LAMA4: variants seen among roughly 807,000 people sequenced by gnomAD.
LAMA4 encodes laminin subunit alpha 4, also known as laminin subunit alpha-4.
LAMA4 carries 127 observed loss-of-function variants against 207.1 expected under a neutral mutation model. The observed-to-expected ratio is 0.61, with a 90% CI of 0.53 to 0.71. The LOEUF (loss-of-function observed/expected upper bound fraction) is 0.71, where lower values mean the gene tolerates loss of function less well. Among genes scored for constraint, LAMA4 ranks in the 30% least tolerant of loss-of-function variants. The pLI is 0.00. For missense variants in LAMA4, 2,093 were observed against 2,246.5 expected (o/e 0.93, Z 1.38); for synonymous variants, 761 against 816.0 (o/e 0.93, Z 1.15).
At chr6:112,251,862 T>C (rs1462557106) in intron 2 of LAMA4, among the ~76,000 whole-genome samples, 2 of 152,238 alleles carry the variant, frequency 1.3e-5, no homozygotes, top group Non-Finnish European at 2.9e-5. Context: ...TTTTCAAAAC[T>C]GAAGGCCTCC....
intron 8 of LAMA4, among the ~76,000 whole-genome samples, chr6:112,186,070 G>C (rs949002408): frequency 6.6e-6 from 1 of 152,166 alleles, no homozygotes; most frequent in East Asian, 1.9e-4. Context: ...TTCTATCCAG[G>C]CTACAATACA....
intron 2 of LAMA4, among the ~76,000 whole-genome samples, chr6:112,245,870 G>A (rs538733737): frequency 2.0e-5 from 3 of 152,236 alleles, no homozygotes; most frequent in African/African-American, 7.2e-5. Context: ...ATATTCACCC[G>A]TCTCTCCTCC....
chr6:112,238,742 G>A (rs1554367033), intron 2 of LAMA4, among the ~76,000 whole-genome samples: 2 of 152,122 alleles, frequency 1.3e-5, no homozygotes, highest in Non-Finnish European at 2.9e-5. Context: ...AAAAGTAATA[G>A]TGACATATTT....
intron 9 of LAMA4, among the ~76,000 whole-genome samples, chr6:112,184,926 A>AAG (rs1782594905): frequency 6.6e-6 from 1 of 152,232 alleles, no homozygotes; most frequent in Non-Finnish European, 1.5e-5. Flanking sequence ...TCTTAGTCAT[A>AAG]AGATGCCTTG....
At chr6:112,124,877 C>A (rs1415869466) in intron 31 of LAMA4, among the ~76,000 whole-genome samples, 1 of 152,194 alleles carries the variant, frequency 6.6e-6, no homozygotes, top group South Asian at 2.1e-4. Flanking sequence ...CTGCCTCAGC[C>A]TCCCGAGTAG....
chr6:112,213,930 C>G lies in LAMA4; in HGVS notation c.297+2438G>C. ...GAAATGAGGTAAGTCAGGCAACCTGCAAGAACTGACTGAAACACTGGTCAT... is the reference window on the plus strand; with the variant it reads ...GAAATGAGGTAAGTCAGGCAACCTGGAAGAACTGACTGAAACACTGGTCAT... On this transcript the variant is annotated intron_variant, in intron 3 of 38. Coordinates refer to ENST00000230538, the MANE Select transcript of LAMA4 (RefSeq NM_001105206.3). 2 of 604,306 alleles carry G rather than the reference C, an allele frequency of 3.3e-6. 1 individual carries two copies. The highest frequency in any genetic ancestry group is 6.1e-6 in the Non-Finnish European group (2 of 325,454). The allele number at this position is 604,306 out of a possible 1,614,324, so 37.4% of individuals were successfully genotyped here. A position where few individuals can be genotyped will look rare whatever the true frequency, so the allele number is the denominator to read the frequency against.
chr6:112,230,275 C>A (rs150483021), intron 2 of LAMA4, among the ~76,000 whole-genome samples: 1 of 152,230 alleles, frequency 6.6e-6, no homozygotes, highest in Non-Finnish European at 1.5e-5. Flanking sequence ...CTAGACCTAA[C>A]TGATTGATCT....
intron 19 of LAMA4, 149 bp downstream of exon 19, chr6:112,144,645 C>G: frequency 1.1e-6 from 1 of 922,244 alleles, no homozygotes; most frequent in Non-Finnish European, 1.8e-6. Flanking sequence ...GTGTTCCTCA[C>G]GTGTTTCTAA....
rs572783699 is a variant in LAMA4, at chr6:112,173,261, G to T, written c.1358-457C>A. ...AACTGTTTTTAGTTAGCTCCACTGG[G>T]TCAAATCCAAACCATGATTTTGGTG... On this transcript the variant is annotated intron_variant, in intron 11 of 38. Transcript: ENST00000230538. Among the ~76,000 whole-genome samples, 85 of 152,248 alleles carry T rather than the reference G, an allele frequency of 5.6e-4. 1 individual carries two copies. The highest frequency in any genetic ancestry group is 2.0e-3 in the African/African-American group (83 of 41,540).
chr6:112,175,383 C>CT lies in LAMA4; in HGVS notation c.1286dup (p.Ile430AspfsTer2). On this transcript the variant is annotated frameshift_variant, in exon 11 of 39. Coordinates refer to ENST00000230538, the MANE Select transcript of LAMA4 (RefSeq NM_001105206.3). LOFTEE classifies it high-confidence loss of function. ...TGAAAAATGGTTGACGGCTTCTAAT[C>CT]TCTTCAAGCATCTTCTGGGCCAACA... 6.2e-7 allele frequency: 1 copy of CT among 1,614,202 alleles called. No individual in the cohort carries two copies.
intron 24 of LAMA4, among the ~76,000 whole-genome samples, chr6:112,138,748 A>G (rs1562649846): frequency 6.6e-6 from 1 of 152,194 alleles, no homozygotes; most frequent in Admixed American, 6.5e-5. Flanking sequence ...ATATACTTAC[A>G]TACACACATA....
At position 112,254,279 on chromosome 6, in the gene LAMA4, G is replaced by T; in HGVS notation, c.-129C>A. On this transcript the variant is annotated 5_prime_UTR_variant, in exon 2 of 39. Transcript: ENST00000230538. Reference sequence around the variant, plus strand: ...CCGTGTGCAGTATCCCGAGGTGGCTGCGCAACCAGCAGCTTAGGAAATAAA... The same window carrying T: ...CCGTGTGCAGTATCCCGAGGTGGCTTCGCAACCAGCAGCTTAGGAAATAAA... 1 of 1,121,336 alleles carries T rather than the reference G, an allele frequency of 8.9e-7. No individual in the cohort carries two copies. The highest frequency in any genetic ancestry group is 2.0e-5 in the Admixed American group (1 of 50,828). 69.5% of individuals were successfully genotyped at this position (1,121,336 alleles called of 1,614,324 possible).
intron 2 of LAMA4, among the ~76,000 whole-genome samples, chr6:112,252,000 C>T (rs1787495263): frequency 6.6e-6 from 1 of 152,050 alleles, no homozygotes; most frequent in Admixed American, 6.5e-5. Context: ...AAACCATAAA[C>T]ATAAGGTTCT....
intron 7 of LAMA4, among the ~76,000 whole-genome samples, 170 bp from the exon 8 acceptor site, chr6:112,187,771 T>C: frequency 6.6e-6 from 1 of 152,196 alleles, no homozygotes; most frequent in East Asian, 1.9e-4. Flanking sequence ...TGGCATTAGC[T>C]AGTGAAGATG....
intron 2 of LAMA4, chr6:112,217,790 G>A (rs1157501722): frequency 2.0e-5 from 3 of 152,170 alleles, no homozygotes; most frequent in African/African-American, 4.8e-5. Flanking sequence ...ATTTTTTAAT[G>A]GAGAGTTGTG....
At position 112,141,338 on chromosome 6, in the gene LAMA4, G is replaced by A; in HGVS notation, c.2813+20C>T. The A allele has an allele frequency of 1.2e-6, 2 of 1,612,690 alleles. No individual in the cohort carries two copies. Among genetic ancestry groups the A allele is most frequent in the South Asian group, 2.2e-5 (2 of 91,036 alleles). On this transcript the variant is annotated intron_variant, in intron 21 of 38. Coordinates refer to ENST00000230538, the MANE Select transcript of LAMA4 (RefSeq NM_001105206.3). ...CTTGTGATATGTGCATATATGCCCT[G>A]TGTCATGGATTCACTGTACCTTTCA...
intron 8 of LAMA4, chr6:112,186,890 A>G (rs1326530662): frequency 4.4e-6 from 2 of 455,648 alleles, no homozygotes; most frequent in South Asian, 1.5e-5. Context: ...CTTGTTTACT[A>G]GGTATTAACC....
chr6:112,119,055 G>A lies in LAMA4; in HGVS notation c.4821+101C>T, dbSNP rs587735749. 21 of 1,187,470 alleles carry A rather than the reference G, an allele frequency of 1.8e-5. No homozygotes were observed. In the South Asian group the frequency reaches 2.4e-4, roughly 13 times the overall value. 73.6% of individuals were successfully genotyped at this position (1,187,470 alleles called of 1,614,324 possible). On this transcript the variant is annotated intron_variant, in intron 34 of 38. Coordinates refer to ENST00000230538, the MANE Select transcript of LAMA4 (RefSeq NM_001105206.3). ...ATTTCCAGAAAACTACAGTTTTACT[G>A]GTGCTAGTTTCTAGTTTCCTAATCT...
intron 24 of LAMA4, among the ~76,000 whole-genome samples, chr6:112,138,595 A>C (rs1466184935): frequency 6.9e-6 from 1 of 144,422 alleles, no homozygotes; most frequent in Non-Finnish European, 1.5e-5. Flanking sequence ...TCTTCATTTT[A>C]AATATATAAT....
Sources: allele counts gnomAD v4.1 joint callset (sites outside exome capture counted in the v4.1 genomes callset), GRCh38; gene constraint gnomAD v4.1.1; transcripts MANE v1.5; gene names NCBI Gene and HGNC (gene_info 2026-07-23, HGNC 2026-07-21).